Variants in UVRAG observed in about 807,000 individuals in gnomAD.
The protein encoded by UVRAG is UV radiation resistance-associated gene protein.
In UVRAG, 19 loss-of-function variants were observed where a neutral mutation model predicts 78.0. The observed-to-expected ratio is 0.24, with a 90% CI of 0.17 to 0.36. The LOEUF (loss-of-function observed/expected upper bound fraction) is 0.36. Among genes scored for constraint, UVRAG ranks in the 10% least tolerant of loss-of-function variants. The pLI, the probability that UVRAG is intolerant of heterozygous loss-of-function variation, is 1.00. For missense variants in UVRAG, 740 were observed against 853.8 expected (o/e 0.87, Z 1.66); for synonymous variants, 323 against 324.6 (o/e 1.00, Z 0.05).
chr11:76,003,489 G>A (rs1172518017), intron 8 of UVRAG, among the ~76,000 whole-genome samples: 1 of 151,662 alleles, frequency 6.6e-6, no homozygotes, highest in Non-Finnish European at 1.5e-5. Flanking sequence ...CCAAAGTGCT[G>A]GGATTACAGG....
intron 1 of UVRAG, among the ~76,000 whole-genome samples, chr11:75,847,276 T>C (rs1946054913): frequency 6.6e-6 from 1 of 151,898 alleles, no homozygotes; most frequent in Non-Finnish European, 1.5e-5. Context: ...TACAGGTGTG[T>C]GCCACCACGC....
chr11:75,973,572 T>A (rs966892912), intron 7 of UVRAG, among the ~76,000 whole-genome samples: 8 of 152,248 alleles, frequency 5.3e-5, no homozygotes, highest in East Asian at 1.9e-4. Context: ...TTCTTTTTTT[T>A]TATACTTTAA....
chr11:76,064,880 T>C (rs182080814), intron 12 of UVRAG, among the ~76,000 whole-genome samples: 1 of 152,376 alleles, frequency 6.6e-6, no homozygotes, highest in East Asian at 1.9e-4. Context: ...GATGAAGTTT[T>C]CTTCTTGACC....
intron 1 of UVRAG, among the ~76,000 whole-genome samples, chr11:75,847,939 C>G (rs2134726082): frequency 6.6e-6 from 1 of 150,492 alleles, no homozygotes; most frequent in East Asian, 1.9e-4. Context: ...CCACTGCACT[C>G]CAGCCTGGCA....
At chr11:75,844,683 T>C (rs1173615359) in intron 1 of UVRAG, among the ~76,000 whole-genome samples, 1 of 151,852 alleles carries the variant, frequency 6.6e-6, no homozygotes, top group East Asian at 1.9e-4. Context: ...CTTTTCTTTT[T>C]TTTTTTTGAG....
At chr11:75,844,030 T>C (rs1945976496) in intron 1 of UVRAG, among the ~76,000 whole-genome samples, 1 of 151,812 alleles carries the variant, frequency 6.6e-6, no homozygotes, top group South Asian at 2.1e-4. Flanking sequence ...TTGGATCATA[T>C]GTTATGATCG....
chr11:75,962,282 C>A (rs535718236), intron 7 of UVRAG, among the ~76,000 whole-genome samples: 66 of 152,184 alleles, frequency 4.3e-4, no homozygotes, highest in African/African-American at 1.6e-3. Flanking sequence ...AACTCATTAT[C>A]ACAGATAGGC....
At chr11:75,893,375 C>T (rs1007493658) in intron 5 of UVRAG, among the ~76,000 whole-genome samples, 3 of 150,660 alleles carry the variant, frequency 2.0e-5, no homozygotes, top group Admixed American at 6.6e-5. Flanking sequence ...TAAATGAGCA[C>T]GAAAAGCTGA....
rs979425417 is a variant in UVRAG at position 76,143,983 on chromosome 11, T to C, written c.*2570T>C. Among the ~76,000 whole-genome samples the C allele has an allele frequency of 6.6e-6, 1 of 152,244 alleles. No individual in the cohort carries two copies. Among genetic ancestry groups the C allele is most frequent in the Admixed American group, 6.5e-5 (1 of 15,286 alleles). On this transcript the variant is annotated 3_prime_UTR_variant, in exon 15 of 15. Transcript: ENST00000356136. ...AATGAATATTTGATTGTGTTTTTTC[T>C]CTTCACTTCCCCTTAACCACTTTAG... is the stretch of plus-strand genomic sequence containing the variant.
At position 75,828,799 on chromosome 11, in the gene UVRAG, A is replaced by ATT. The variant is rs1183493611; in HGVS notation, c.117+13276_117+13277insTT. Among the ~76,000 whole-genome samples, 364 of 79,998 alleles carry ATT rather than the reference A, an allele frequency of 4.6e-3. 6 individuals are homozygous for ATT. Among genetic ancestry groups the ATT allele is most frequent in the South Asian group, 0.014 (46 of 3,190 alleles). 52.5% of individuals were successfully genotyped at this position (79,998 alleles called of 152,430 possible). A position where few individuals can be genotyped will look rare whatever the true frequency, so the allele number is the denominator to read the frequency against. On this transcript the variant is annotated intron_variant, in intron 1 of 14. Transcript: ENST00000356136. ...TACACACATATATATATATATATAT[A>ATT]TATATATTTTTTTTTTTTTGTAGAG...
intron 7 of UVRAG, among the ~76,000 whole-genome samples, chr11:75,978,642 T>C (rs1361059387): frequency 6.6e-6 from 1 of 152,234 alleles, no homozygotes; most frequent in African/African-American, 2.4e-5. Flanking sequence ...TGATACCCTT[T>C]CTTCCAGTTG....
At chr11:76,137,061 T>C (rs1591275324) in intron 14 of UVRAG, 1 of 178,624 alleles carries the variant, frequency 5.6e-6, no homozygotes, top group East Asian at 1.4e-4. Context: ...CTGGAAGTAA[T>C]AAAAAAATCA....
chr11:75,926,927 G>A (rs1591026387), intron 6 of UVRAG, among the ~76,000 whole-genome samples: 2 of 152,164 alleles, frequency 1.3e-5, no homozygotes, highest in East Asian at 3.9e-4. Flanking sequence ...TGTACTATCT[G>A]CCAGTTAAGT....
At chr11:75,854,408 A>AT (rs1165935558) in intron 2 of UVRAG, among the ~76,000 whole-genome samples, 1 of 151,860 alleles carries the variant, frequency 6.6e-6, no homozygotes, top group African/African-American at 2.4e-5. Context: ...TGTCCTTTTT[A>AT]TTTTTTATTT....
chr11:76,139,348 G>T (rs1177270430), intron 14 of UVRAG, among the ~76,000 whole-genome samples: 1 of 152,218 alleles, frequency 6.6e-6, no homozygotes, highest in Non-Finnish European at 1.5e-5. Flanking sequence ...ATTTGAAAAT[G>T]TATTATTTGA....
In UVRAG at chr11:75,866,074, T is replaced by A. The variant is rs181248966; in HGVS notation, c.270+4294T>A. Among the ~76,000 whole-genome samples, 54 of 152,052 alleles carry A rather than the reference T, an allele frequency of 3.6e-4. 1 individual carries two copies. Among genetic ancestry groups the A allele is most frequent in the African/African-American group, 1.2e-3 (50 of 41,470 alleles). On this transcript the variant is annotated intron_variant, in intron 3 of 14. Transcript: ENST00000356136. Reference sequence around the variant, plus strand: ...GAGTTCAAGACCAGCCTGGGCAACATGGCAAAACCCCATCTCTACCAAAAA... The same window carrying A: ...GAGTTCAAGACCAGCCTGGGCAACAAGGCAAAACCCCATCTCTACCAAAAA...
chr11:75,860,406 T>A (rs1276416750), intron 2 of UVRAG, among the ~76,000 whole-genome samples: 1 of 152,258 alleles, frequency 6.6e-6, no homozygotes, highest in Non-Finnish European at 1.5e-5. Context: ...TTTCACTGAC[T>A]TAACAGTAAT....
At chr11:75,967,187 T>A (rs1949039727) in intron 7 of UVRAG, among the ~76,000 whole-genome samples, 1 of 152,208 alleles carries the variant, frequency 6.6e-6, no homozygotes, top group Admixed American at 6.5e-5. Context: ...CTATATTTGT[T>A]ATCCATAGTC....
At chr11:76,030,675 A>G (rs187116592) in intron 12 of UVRAG, among the ~76,000 whole-genome samples, 9 of 152,244 alleles carry the variant, frequency 5.9e-5, no homozygotes, top group African/African-American at 1.7e-4. Context: ...CTCATTGTCC[A>G]TGCTATTCTA....
Sources: allele counts gnomAD v4.1 joint callset (sites outside exome capture counted in the v4.1 genomes callset), GRCh38; gene constraint gnomAD v4.1.1; transcripts MANE v1.5; gene names NCBI Gene and HGNC (gene_info 2026-07-23, HGNC 2026-07-21).